Variants in CHMP4B observed in about 807,000 individuals in gnomAD.
CHMP4B encodes charged multivesicular body protein 4B.
In CHMP4B, 1 loss-of-function variant was observed where a neutral mutation model predicts 25.1. The observed-to-expected ratio is 0.04, with a 90% CI of 0.01 to 0.19. CHMP4B has a LOEUF of 0.19. Among genes scored for constraint, CHMP4B ranks in the 10% least tolerant of loss-of-function variants. CHMP4B has a pLI of 1.00. For missense variants in CHMP4B, 151 were observed against 289.7 expected, an observed-to-expected ratio of 0.52 and a Z score of 3.48; for synonymous variants, 101 against 115.6, an observed-to-expected ratio of 0.87 and a Z score of 0.81.
chr20:33,845,939 T>C (rs538743679), intron 1 of CHMP4B, among the ~76,000 whole-genome samples: 1 of 152,262 alleles, frequency 6.6e-6, no homozygotes, highest in East Asian at 1.9e-4. Flanking sequence ...GGACTTGGGC[T>C]TATGGAGAGA....
intron 1 of CHMP4B, among the ~76,000 whole-genome samples, chr20:33,845,483 C>A (rs932075328): frequency 2.0e-5 from 3 of 152,000 alleles, no homozygotes; most frequent in Non-Finnish European, 4.4e-5. Flanking sequence ...CCACCATGTC[C>A]GGCTAATTTT....
intron 1 of CHMP4B, among the ~76,000 whole-genome samples, chr20:33,832,793 T>TA (rs1413527945): frequency 3.3e-5 from 5 of 150,588 alleles, no homozygotes; most frequent in Non-Finnish European, 5.9e-5. Flanking sequence ...TTTTTTTTTT[T>TA]AAAGAGACAG....
Position 33,842,628 on chromosome 20 carries a change from G to A in CHMP4B, c.191-5839G>A, listed in dbSNP as rs1979575316. Among the ~76,000 whole-genome samples, 4 of 152,186 alleles carry A rather than the reference G, an allele frequency of 2.6e-5. No homozygotes were observed. The South Asian group carries it at 6.2e-4, about 24-fold the overall frequency. Reference sequence around the variant, plus strand: ...TCACTTAGGCTGGAGTCCTGGTGTTGCATTTGTGTGTAAGTGTCCTCAGGA... The same window carrying A: ...TCACTTAGGCTGGAGTCCTGGTGTTACATTTGTGTGTAAGTGTCCTCAGGA... On this transcript the variant is annotated intron_variant, in intron 1 of 4. Coordinates refer to ENST00000217402, the MANE Select transcript of CHMP4B (RefSeq NM_176812.5).
intron 1 of CHMP4B, among the ~76,000 whole-genome samples, chr20:33,835,392 T>C (rs1422385509): frequency 3.3e-5 from 5 of 152,156 alleles, no homozygotes; most frequent in Non-Finnish European, 5.9e-5. Flanking sequence ...AAGTGGAAAA[T>C]TTTTGGCCGT....
chr20:33,837,418 T>G (rs1314827579), intron 1 of CHMP4B, among the ~76,000 whole-genome samples: 2 of 151,554 alleles, frequency 1.3e-5, no homozygotes, highest in African/African-American at 4.9e-5. Context: ...CCATTAGGAA[T>G]TGAGAAGAGG....
chr20:33,848,163 G>A (rs1345887264), intron 1 of CHMP4B, among the ~76,000 whole-genome samples: 1 of 152,118 alleles, frequency 6.6e-6, no homozygotes, highest in Admixed American at 6.6e-5. Context: ...GACCCTAAGG[G>A]AGTTTGACCC....
chr20:33,849,897 TC>T (rs1319262554), intron 2 of CHMP4B, among the ~76,000 whole-genome samples: 3 of 152,218 alleles, frequency 2.0e-5, no homozygotes, highest in African/African-American at 7.2e-5. Context: ...CACTTCAGCC[TC>T]CTGAGTAGCT....
intron 1 of CHMP4B, among the ~76,000 whole-genome samples, chr20:33,827,053 T>C (rs994416996): frequency 1.5e-4 from 23 of 152,184 alleles, no homozygotes; most frequent in African/African-American, 5.6e-4. Flanking sequence ...TACTATCCCA[T>C]TCCCAAAACT....
intron 1 of CHMP4B, among the ~76,000 whole-genome samples, chr20:33,818,728 C>A (rs2122783069): frequency 6.6e-6 from 1 of 152,258 alleles, no homozygotes; most frequent in East Asian, 1.9e-4. Context: ...CTCTTGGGGC[C>A]ACAGAGAACA....
In CHMP4B at chr20:33,853,860, C is replaced by T. The variant is rs1979930745; in HGVS notation, c.*300C>T. 4.2e-6 allele frequency: 2 copies of T among 476,378 alleles called. No homozygotes were observed. The highest frequency in any genetic ancestry group is 4.3e-5 in the South Asian group (2 of 46,628). The allele number at this position is 476,378 out of a possible 1,614,324, so 29.5% of individuals were successfully genotyped here. On this transcript the variant is annotated 3_prime_UTR_variant, in exon 5 of 5. Coordinates refer to ENST00000217402, the MANE Select transcript of CHMP4B (RefSeq NM_176812.5). ...TTGAGCTTCTGGACTACGCTGACTC[C>T]ACTGCTGAATCCTCAATGGAAAGGG... is the stretch of plus-strand genomic sequence containing the variant.
In CHMP4B at chr20:33,853,706, G is replaced by A; in HGVS notation, c.*146G>A. ...TCCAAAGCAGTAGGGCCGCGTTGCTGCTCACTCTCTGCATAGCATGGTCTG... is the reference window on the plus strand; with the variant it reads ...TCCAAAGCAGTAGGGCCGCGTTGCTACTCACTCTCTGCATAGCATGGTCTG... On this transcript the variant is annotated 3_prime_UTR_variant, in exon 5 of 5. Transcript: ENST00000217402. The A allele has an allele frequency of 2.3e-6, 1 of 438,618 alleles. No individual in the cohort carries two copies. Among genetic ancestry groups the A allele is most frequent in the Non-Finnish European group, 4.4e-6 (1 of 225,764 alleles). 27.2% of individuals were successfully genotyped at this position (438,618 alleles called of 1,614,324 possible).
chr20:33,838,333 G>A (rs1286469092), intron 1 of CHMP4B, among the ~76,000 whole-genome samples: 7 of 152,192 alleles, frequency 4.6e-5, no homozygotes, highest in African/African-American at 1.7e-4. Flanking sequence ...ACATGTAAAT[G>A]AGTAATGTGT....
rs545110394 is a variant in CHMP4B, at chr20:33,853,883, G to A, written c.*323G>A. 3.4e-4 allele frequency: 149 copies of A among 435,378 alleles called. 3 individuals carry two copies. The highest frequency in any genetic ancestry group is 3.4e-3 in the South Asian group (148 of 43,280). 27.0% of individuals were successfully genotyped at this position (435,378 alleles called of 1,614,324 possible). ...TCCACTGCTGAATCCTCAATGGAAA[G>A]GGTCGACTGGTTGCAGTTGAAATGA... On this transcript the variant is annotated 3_prime_UTR_variant, in exon 5 of 5. Transcript: ENST00000217402.
rs187039770 is a variant in CHMP4B, at chr20:33,821,367, A to G, written c.190+9709A>G. 3.1e-4 allele frequency among the ~76,000 whole-genome samples: 46 copies of G among 146,516 alleles called. No individual in the cohort carries two copies. In the East Asian group the frequency reaches 8.3e-3, roughly 27 times the overall value. The stretch of plus-strand genomic sequence containing the variant: ...GTACCACTGTACTCCAGCCTGGGTG[A>G]CAGAGCAAGACTCCATCTCAAAAAA... On this transcript the variant is annotated intron_variant, in intron 1 of 4. Coordinates refer to ENST00000217402, the MANE Select transcript of CHMP4B (RefSeq NM_176812.5).
At chr20:33,812,938 G>A (rs1273411521) in intron 1 of CHMP4B, among the ~76,000 whole-genome samples, 7 of 152,184 alleles carry the variant, frequency 4.6e-5, no homozygotes, top group African/African-American at 1.7e-4. Flanking sequence ...ACAAAACACG[G>A]CCTCAACCCT....
intron 3 of CHMP4B, 110 bp from the exon 4 acceptor site, chr20:33,851,967 G>A: frequency 6.9e-7 from 1 of 1,447,306 alleles, no homozygotes; most frequent in Non-Finnish European, 9.7e-7. Context: ...CCTCCCCGCA[G>A]ACCTTCTCAG....
At chr20:33,814,942 C>G (rs1978742802) in intron 1 of CHMP4B, among the ~76,000 whole-genome samples, 1 of 152,178 alleles carries the variant, frequency 6.6e-6, no homozygotes, top group Non-Finnish European at 1.5e-5. Context: ...CTGTGCTCAG[C>G]CCTTGGCTGG....
chr20:33,818,313 T>TA (rs1438793072), intron 1 of CHMP4B, among the ~76,000 whole-genome samples: 1 of 152,254 alleles, frequency 6.6e-6, no homozygotes, highest in Non-Finnish European at 1.5e-5. Flanking sequence ...AATGAAGTGT[T>TA]AGAGGAAAAT....
At chr20:33,829,504 T>C (rs1358019855) in intron 1 of CHMP4B, among the ~76,000 whole-genome samples, 1 of 152,274 alleles carries the variant, frequency 6.6e-6, no homozygotes, top group Non-Finnish European at 1.5e-5. Context: ...GTCTTAAGGC[T>C]ATAAGGCCAC....
Sources: gnomAD v4.1 joint callset for allele counts (sites outside exome capture counted in the v4.1 genomes callset) on GRCh38, gnomAD v4.1.1 for gene constraint, MANE v1.5 for transcripts, NCBI Gene and HGNC (gene_info 2026-07-23, HGNC 2026-07-21) for gene names.